The following SUGCT variants were observed in gnomAD, a reference collection of about 807,000 sequenced individuals.
SUGCT encodes the protein succinyl-CoA:glutarate CoA-transferase.
In SUGCT, 41 loss-of-function variants were observed where a neutral mutation model predicts 55.0. The ratio of observed to expected loss-of-function variants is 0.74; its 90% CI spans 0.58 to 0.97. The LOEUF (loss-of-function observed/expected upper bound fraction) is 0.97, where lower values mean the gene tolerates loss of function less well. SUGCT is among the 50% of genes least tolerant of loss of function. The probability of loss-of-function intolerance (pLI) is 0.00; values close to 1 mark genes in which losing one functional copy is unlikely to be tolerated. For missense variants in SUGCT, 568 were observed against 547.8 expected (o/e 1.04, Z -0.37); for synonymous variants, 187 against 200.4 (o/e 0.93, Z 0.56).
At chr7:40,819,900 T>C (rs886534878) in intron 13 of SUGCT, among the ~76,000 whole-genome samples, 9 of 152,352 alleles carry the variant, frequency 5.9e-5, no homozygotes, top group African/African-American at 2.2e-4. Flanking sequence ...AGGTCTAACA[T>C]TTAAGTCTTT....
At chr7:40,512,611 G>A (rs181114751) in intron 12 of SUGCT, among the ~76,000 whole-genome samples, 5 of 151,976 alleles carry the variant, frequency 3.3e-5, no homozygotes, top group East Asian at 1.9e-4. Context: ...TTTCATATAC[G>A]AGTGAGATAG....
chr7:40,579,621 G>C (rs1370010750), intron 12 of SUGCT, among the ~76,000 whole-genome samples: 1 of 152,202 alleles, frequency 6.6e-6, no homozygotes, highest in Non-Finnish European at 1.5e-5. Flanking sequence ...GACATAAATG[G>C]TGTGGGGGTG....
chr7:40,483,791 A>G (rs566034150), intron 11 of SUGCT, among the ~76,000 whole-genome samples: 10 of 152,200 alleles, frequency 6.6e-5, no homozygotes, highest in Non-Finnish European at 1.2e-4. Context: ...TGTGGGAACT[A>G]TAAATAACCA....
At chr7:40,798,693 G>A (rs558037557) in intron 13 of SUGCT, among the ~76,000 whole-genome samples, 14 of 152,072 alleles carry the variant, frequency 9.2e-5, no homozygotes, top group African/African-American at 1.4e-4. Context: ...TATGCTTTGC[G>A]CATGCTACTT....
At chr7:40,684,748 TTAAA>T (rs1238161288) in intron 12 of SUGCT, among the ~76,000 whole-genome samples, 1 of 152,190 alleles carries the variant, frequency 6.6e-6, no homozygotes, top group Non-Finnish European at 1.5e-5. Context: ...ACTATTTTGG[TTAAA>T]TAAGTAGCTA....
chr7:40,888,158 G>A, the SUGCT span, among the ~76,000 whole-genome samples: 7 of 152,106 alleles, frequency 4.6e-5, no homozygotes, highest in Admixed American at 6.5e-5. Context: ...TACACAGACC[G>A]AGAGGAACTC....
At chr7:40,415,132 G>T in intron 9 of SUGCT, among the ~76,000 whole-genome samples, 1 of 146,584 alleles carries the variant, frequency 6.8e-6, no homozygotes, top group Middle Eastern at 3.6e-3. Context: ...TTAGCGGGGC[G>T]TGGTGGCAGG....
At chr7:40,991,833 C>A in the SUGCT span, among the ~76,000 whole-genome samples, 1 of 152,084 alleles carries the variant, frequency 6.6e-6, no homozygotes, top group Non-Finnish European at 1.5e-5. Flanking sequence ...ATCAGAAGAG[C>A]CTTTCCCTCT....
At chr7:40,634,386 A>G (rs151059527) in intron 12 of SUGCT, among the ~76,000 whole-genome samples, 4 of 152,132 alleles carry the variant, frequency 2.6e-5, no homozygotes, top group Non-Finnish European at 4.4e-5. Flanking sequence ...GGTAGAAATG[A>G]TGTGGCCCAG....
At chr7:40,833,550 A>T (rs780026437) in intron 13 of SUGCT, among the ~76,000 whole-genome samples, 58 of 152,248 alleles carry the variant, frequency 3.8e-4, no homozygotes, top group Non-Finnish European at 6.3e-4. Flanking sequence ...AATTGAAGTC[A>T]TGTACACAAA....
rs113426612 is a variant in SUGCT, at chr7:40,818,028, G to A, written c.1154-42288G>A. Among the ~76,000 whole-genome samples, 892 of 152,260 alleles carry A rather than the reference G, an allele frequency of 5.9e-3. 6 individuals carry two copies. Among genetic ancestry groups the A allele is most frequent in the African/African-American group, 0.02 (838 of 41,554 alleles). On this transcript the variant is annotated intron_variant, in intron 13 of 13. Coordinates refer to ENST00000335693, the MANE Select transcript of SUGCT (RefSeq NM_001193313.2). ...AATTATAACTATACACTCAGAAAAT[G>A]AAGTAGACAGAAACTCTACTCATGC...
At chr7:40,438,300 T>G (rs991483920) in intron 9 of SUGCT, among the ~76,000 whole-genome samples, 5 of 152,178 alleles carry the variant, frequency 3.3e-5, no homozygotes, top group African/African-American at 1.2e-4. Flanking sequence ...ATAGAGAAAC[T>G]AAACACTGAA....
intron 12 of SUGCT, among the ~76,000 whole-genome samples, chr7:40,513,635 C>T (rs893210043): frequency 6.6e-6 from 1 of 152,104 alleles, no homozygotes; most frequent in African/African-American, 2.4e-5. Flanking sequence ...ACTCTACCAT[C>T]CTCTTACACA....
At chr7:40,737,529 T>A (rs2128701449) in intron 12 of SUGCT, among the ~76,000 whole-genome samples, 1 of 152,344 alleles carries the variant, frequency 6.6e-6, no homozygotes, top group East Asian at 1.9e-4. Flanking sequence ...AAAACAATAC[T>A]ACTTAATACA....
At chr7:40,772,387 T>C (rs1044758916) in intron 13 of SUGCT, among the ~76,000 whole-genome samples, 2 of 152,102 alleles carry the variant, frequency 1.3e-5, no homozygotes, top group Admixed American at 1.3e-4. Flanking sequence ...CAGAGTTCCA[T>C]GTTTGAGCTC....
At chr7:40,486,742 TTGAAG>T (rs1791379053) in intron 11 of SUGCT, among the ~76,000 whole-genome samples, 1 of 145,204 alleles carries the variant, frequency 6.9e-6, no homozygotes, top group Non-Finnish European at 1.5e-5. Context: ...TTTTTTTCAA[TTGAAG>T]TGAAGTCTTG....
At chr7:40,317,788 A>T (rs1049041168) in intron 9 of SUGCT, among the ~76,000 whole-genome samples, 2 of 152,188 alleles carry the variant, frequency 1.3e-5, no homozygotes, top group Admixed American at 1.3e-4. Context: ...TCCATTTTTT[A>T]AAATCGGAAT....
At chr7:40,918,181 G>A in the SUGCT span, among the ~76,000 whole-genome samples, 1 of 152,096 alleles carries the variant, frequency 6.6e-6, no homozygotes, top group Admixed American at 6.5e-5. Context: ...GGGGAAAATA[G>A]GCCAGTCGCG....
the SUGCT span, among the ~76,000 whole-genome samples, chr7:40,886,606 G>A: frequency 2.6e-5 from 4 of 152,222 alleles, no homozygotes; most frequent in South Asian, 8.3e-4. Context: ...GAAATAAGCT[G>A]GGCCAAAATA....
Sources: gnomAD v4.1 joint callset for allele counts (sites outside exome capture counted in the v4.1 genomes callset) on GRCh38, gnomAD v4.1.1 for gene constraint, MANE v1.5 for transcripts, NCBI Gene and HGNC (gene_info 2026-07-23, HGNC 2026-07-21) for gene names.